C10orf105: variants seen among roughly 807,000 people sequenced by gnomAD.
C10orf105 encodes chromosome 10 open reading frame 105.
C10orf105 carries 2 observed loss-of-function variants against 0.6 expected under a neutral mutation model. That is an observed-to-expected ratio of 3.18 (90% confidence interval 1.30 to 10.01). The LOEUF (loss-of-function observed/expected upper bound fraction) is 10.01. Among genes scored for constraint, C10orf105 ranks in the 30% most tolerant of loss-of-function variants. C10orf105 has a pLI of 0.04. For synonymous variants in C10orf105, 95 were observed against 82.4 expected, an observed-to-expected ratio of 1.15 and a Z score of -0.83; for missense variants, 209 against 191.4, an observed-to-expected ratio of 1.09 and a Z score of -0.54.
chr10:71,724,319 G>A (rs10999975), upstream of C10orf105, among the ~76,000 whole-genome samples: 4,763 of 152,294 alleles, frequency 0.031, 125 homozygotes, highest in East Asian at 0.096. Flanking sequence ...TTGAGACGGA[G>A]TCTCCCTCTG....
rs948542339 is a variant in C10orf105, at chr10:71,716,141, G to A, written c.197C>T (p.Pro66Leu). The change falls in exon 2 of 2, where the codon CCG becomes CTG. Residue 66 changes from proline (P) to leucine (L), a missense_variant. Physicochemically the swap from Pro to Leu is moderately conservative, Grantham distance 98 (BLOSUM62 -3). Transcript: ENST00000441508. The stretch of plus-strand genomic sequence containing the variant: ...GCACTCGTGAGCCCTGCGGCGGCTC[G>A]GGTCCAGCGCGGCCGGCTTGCAGAG... ...MTLCKPAALD[P>L]SRRRAHECMP... 17 of 1,550,180 alleles carry A rather than the reference G, an allele frequency of 1.1e-5. No homozygotes were observed. Among genetic ancestry groups the A allele is most frequent in the African/African-American group, 6.8e-5 (5 of 73,022 alleles).
upstream of C10orf105, among the ~76,000 whole-genome samples, chr10:71,723,511 G>A (rs1255054655): frequency 2.0e-5 from 3 of 152,228 alleles, no homozygotes; most frequent in Admixed American, 6.5e-5. Context: ...GTGATGGTGC[G>A]TGTGAATGAG....
rs903599235 is a variant in C10orf105, at chr10:71,732,179, T to G, written c.-6+5549A>C. On this transcript the variant is annotated intron_variant, in intron 1 of 1. Coordinates refer to the C10orf105 transcript ENST00000398786. ...GGCTTCTGCAGCGTCTACATCACTCTGCTCAACGAGCTGGACGAGGCCGTG... is the reference window on the plus strand; with the variant it reads ...GGCTTCTGCAGCGTCTACATCACTCGGCTCAACGAGCTGGACGAGGCCGTG... 1 of 1,613,854 alleles carries G rather than the reference T, an allele frequency of 6.2e-7. No homozygotes were observed. Among genetic ancestry groups the G allele is most frequent in the African/African-American group, 1.3e-5 (1 of 74,944 alleles).
intron 1 of C10orf105, among the ~76,000 whole-genome samples, chr10:71,735,372 C>G (rs572028415): frequency 2.0e-4 from 30 of 152,156 alleles, no homozygotes; most frequent in Non-Finnish European, 3.7e-4. Context: ...AGCCAGACAA[C>G]GTTCCTAGAA....
In C10orf105 at chr10:71,713,485, G is replaced by C; in HGVS notation, c.*2451C>G. 1 of 575,100 alleles carries C rather than the reference G, an allele frequency of 1.7e-6. No individual in the cohort carries two copies. Among genetic ancestry groups the C allele is most frequent in the East Asian group, 2.9e-5 (1 of 34,316 alleles). The allele number at this position is 575,100 out of a possible 1,614,324, so 35.6% of individuals were successfully genotyped here. A position where few individuals can be genotyped will look rare whatever the true frequency, so the allele number is the denominator to read the frequency against. ...CCCACTGGGGCAGGCTCCCGGGCTT[G>C]GGAGGGACAGAAGCGTGGGAGGCTG... On this transcript the variant is annotated 3_prime_UTR_variant, in exon 2 of 2. Coordinates refer to ENST00000441508, the MANE Select transcript of C10orf105 (RefSeq NM_001164375.3).
chr10:71,729,516 G>A (rs964437807), intron 1 of C10orf105, among the ~76,000 whole-genome samples: 10 of 152,198 alleles, frequency 6.6e-5, no homozygotes, highest in Admixed American at 5.9e-4. Flanking sequence ...CTGCCCTAGG[G>A]GACGGAAGTT....
In C10orf105 at chr10:71,713,304, A is replaced by G; in HGVS notation, c.*2632T>C. 1.3e-6 allele frequency: 1 copy of G among 779,014 alleles called. No homozygotes were observed. Among genetic ancestry groups the G allele is most frequent in the Non-Finnish European group, 2.4e-6 (1 of 417,776 alleles). 48.3% of individuals were successfully genotyped at this position (779,014 alleles called of 1,614,324 possible). ...ACAGCTCCAAGGCTCAGAGGGAGAG[A>G]AGGGAGGACCCTGAAAACAATTTGG... is the stretch of plus-strand genomic sequence containing the variant. On this transcript the variant is annotated 3_prime_UTR_variant, in exon 2 of 2. Transcript: ENST00000441508.
At chr10:71,735,473 G>T (rs1171037114) in intron 1 of C10orf105, among the ~76,000 whole-genome samples, 2 of 152,106 alleles carry the variant, frequency 1.3e-5, no homozygotes, top group Non-Finnish European at 2.9e-5. Flanking sequence ...CCTGAGAGAG[G>T]TCCATGGGAT....
intron 1 of C10orf105, chr10:71,717,931 T>G (rs1229792059): frequency 1.3e-5 from 2 of 152,246 alleles, no homozygotes; most frequent in Non-Finnish European, 2.9e-5. Context: ...TTCAAATATT[T>G]GAAACACTAC....
chr10:71,718,839 G>A (rs1564754576), intron 1 of C10orf105, among the ~76,000 whole-genome samples: 1 of 152,122 alleles, frequency 6.6e-6, no homozygotes, highest in Non-Finnish European at 1.5e-5. Flanking sequence ...GGCCAAGGCA[G>A]GAGGATCACT....
In C10orf105 at chr10:71,714,952, C is replaced by T. The variant is rs1866142969; in HGVS notation, c.*984G>A. Reference sequence around the variant, plus strand: ...CAAGGGTTTGGGATTCTGAGAAGCCCATCCTGGGGTGGGACTGCTTTGACG... The same window carrying T: ...CAAGGGTTTGGGATTCTGAGAAGCCTATCCTGGGGTGGGACTGCTTTGACG... On this transcript the variant is annotated 3_prime_UTR_variant, in exon 2 of 2. Transcript: ENST00000441508. 1 of 152,240 alleles carries T rather than the reference C, an allele frequency of 6.6e-6. No individual in the cohort carries two copies. Among genetic ancestry groups the T allele is most frequent in the Non-Finnish European group, 1.5e-5 (1 of 68,056 alleles). The allele number at this position is 152,240 out of a possible 1,614,324, so 9.4% of individuals were successfully genotyped here.
intron 1 of C10orf105, chr10:71,732,651 AAG>A (rs1839431098): frequency 7.2e-7 from 1 of 1,388,828 alleles, no homozygotes; most frequent in Admixed American, 3.1e-5. Flanking sequence ...AAACAAAAAA[AAG>A]TCCCCGAGAT....
chr10:71,719,781 C>A (rs1866462789), upstream of C10orf105: 1 of 152,530 alleles, frequency 6.6e-6, no homozygotes, highest in Admixed American at 6.5e-5. Flanking sequence ...AGCAGAGTGG[C>A]CTCCCCGTCA....
At chr10:71,736,861 A>G (rs1027345957) in intron 1 of C10orf105, among the ~76,000 whole-genome samples, 1 of 152,220 alleles carries the variant, frequency 6.6e-6, no homozygotes, top group African/African-American at 2.4e-5. Flanking sequence ...CCTGAGAGAA[A>G]GCCTATAATA....
At position 71,734,475 on chromosome 10, in the gene C10orf105, G is replaced by A. The variant is rs565109979; in HGVS notation, c.-6+3253C>T. 80 of 1,506,542 alleles carry A rather than the reference G, an allele frequency of 5.3e-5. No homozygotes were observed. The East Asian group carries it at 1.4e-3, about 26-fold the overall frequency. The allele number at this position is 1,506,542 out of a possible 1,614,324, so 93.3% of individuals were successfully genotyped here. A position where few individuals can be genotyped will look rare whatever the true frequency, so the allele number is the denominator to read the frequency against. ...GAGGGTCTTGATAGCCTGAGGCTTC[G>A]CCATGTCCAGCCATGCCACACCTTC... On this transcript the variant is annotated intron_variant, in intron 1 of 1. Transcript: ENST00000398786.
At chr10:71,716,418 T>A in intron 1 of C10orf105, 76 bp from the exon 2 acceptor site, 1 of 1,232,494 alleles carries the variant, frequency 8.1e-7, no homozygotes, top group Admixed American at 3.0e-5. Context: ...AAGACTTACC[T>A]AGGGAATGTG....
Position 71,716,137 on chromosome 10 carries a change from G to A in C10orf105, c.201C>T (p.Ser67=), listed in dbSNP as rs764058029. ...GCATGCACTCGTGAGCCCTGCGGCG[G>A]CTCGGGTCCAGCGCGGCCGGCTTGC... ...TLCKPAALDP[S]RRRAHECMPH... is the part of the protein sequence containing the mutation. Residue 67 remains serine (S), a synonymous_variant, in exon 2 of 2, where the codon AGC becomes AGT. Transcript: ENST00000441508. The A allele has an allele frequency of 1.3e-6, 2 of 1,550,030 alleles. No individual in the cohort carries two copies. The highest frequency in any genetic ancestry group is 1.7e-6 in the Non-Finnish European group (2 of 1,146,440).
intron 1 of C10orf105, chr10:71,725,659 G>A: frequency 1.9e-6 from 2 of 1,052,726 alleles, no homozygotes; most frequent in Non-Finnish European, 2.7e-6. Flanking sequence ...TGGGCCTAAG[G>A]GTTCGGTGAC....
chr10:71,734,880 C>G (rs1294986250), intron 1 of C10orf105, among the ~76,000 whole-genome samples: 2 of 152,208 alleles, frequency 1.3e-5, no homozygotes, highest in Non-Finnish European at 2.9e-5. Context: ...TGCCTAGCCC[C>G]GGTAGGGTCT....
Sources: allele counts gnomAD v4.1 joint callset (sites outside exome capture counted in the v4.1 genomes callset), GRCh38; gene constraint gnomAD v4.1.1; transcripts MANE v1.5; gene names NCBI Gene and HGNC (gene_info 2026-07-23, HGNC 2026-07-21).